Variants in SYT16 observed in about 807,000 individuals in gnomAD.
SYT16 encodes the protein synaptotagmin-16.
SYT16 carries 42 observed loss-of-function variants against 61.4 expected under a neutral mutation model. That is an observed-to-expected ratio of 0.68 (90% CI 0.53 to 0.89). The LOEUF (loss-of-function observed/expected upper bound fraction) is 0.89, where lower values mean the gene tolerates loss of function less well. Ranked by LOEUF, SYT16 falls within the 40% of genes least tolerant of loss-of-function variation. The pLI is 0.00. For missense variants in SYT16, 804 were observed against 807.3 expected (o/e 1.00, Z 0.05); for synonymous variants, 314 against 302.3 (o/e 1.04, Z -0.40).
chr14:62,039,834 TACACAC>T (rs71449576), intron 3 of SYT16, among the ~76,000 whole-genome samples: 10,527 of 124,304 alleles, frequency 0.085, 842 homozygotes, highest in African/African-American at 0.22. Context: ...GGCTTAAGCA[TACACAC>T]ACACACACAC....
intron 1 of SYT16, among the ~76,000 whole-genome samples, chr14:61,956,934 T>G (rs1483037959): frequency 1.3e-5 from 2 of 151,958 alleles, no homozygotes; most frequent in African/African-American, 4.8e-5. Context: ...ATTATTCCAA[T>G]TCATGATCAT....
In SYT16 at chr14:62,108,799, C is replaced by T. The variant is rs2057554741; in HGVS notation, c.*8092C>T. Reference sequence around the variant, plus strand: ...AGAGGTTTCTGTTACAATATTTTCTCTTATAGTGTTGGGATAGGATTTGAC... The same window carrying T: ...AGAGGTTTCTGTTACAATATTTTCTTTTATAGTGTTGGGATAGGATTTGAC... On this transcript the variant is annotated 3_prime_UTR_variant, in exon 8 of 8. Coordinates refer to ENST00000683842, the MANE Select transcript of SYT16 (RefSeq NM_001367656.1). The T allele has an allele frequency of 6.6e-6, 1 of 152,068 alleles. No homozygotes were observed. Among genetic ancestry groups the T allele is most frequent in the Non-Finnish European group, 1.5e-5 (1 of 67,998 alleles). The allele number at this position is 152,068 out of a possible 1,614,324, so 9.4% of individuals were successfully genotyped here. A position where few individuals can be genotyped will look rare whatever the true frequency, so the allele number is the denominator to read the frequency against.
chr14:61,973,295 C>T (rs2051641172), intron 2 of SYT16, among the ~76,000 whole-genome samples: 1 of 152,084 alleles, frequency 6.6e-6, no homozygotes, highest in Non-Finnish European at 1.5e-5. Flanking sequence ...GACAAAGAAA[C>T]TGGAATGGTG....
rs565774054 is a variant in SYT16 at position 61,935,602 on chromosome 14, G to C, written c.-324-34530G>C. Among the ~76,000 whole-genome samples, 35 of 152,250 alleles carry C rather than the reference G, an allele frequency of 2.3e-4. 1 individual carries two copies. The South Asian group carries it at 7.1e-3, about 31-fold the overall frequency. ...GATCTAGTTGTTGGGGTGGTGAAAC[G>C]GACCAAGCACAGAGTCGACACGTGG... is the stretch of plus-strand genomic sequence containing the variant. On this transcript the variant is annotated intron_variant, in intron 1 of 7. Transcript: ENST00000683842.
intron 3 of SYT16, among the ~76,000 whole-genome samples, chr14:61,996,974 A>G (rs1191329572): frequency 6.6e-6 from 1 of 152,108 alleles, no homozygotes; most frequent in Non-Finnish European, 1.5e-5. Context: ...CTCCAAGAAC[A>G]CTTCTCACAG....
chr14:61,883,986 G>A (rs1042786871), intron 1 of SYT16, among the ~76,000 whole-genome samples: 1 of 145,712 alleles, frequency 6.9e-6, no homozygotes, highest in Non-Finnish European at 1.5e-5. Context: ...CCCATGATCC[G>A]ATTACCTCCA....
In SYT16 at chr14:62,100,742, T is replaced by G. The variant is rs781425546; in HGVS notation, c.*35T>G. 1.3e-6 allele frequency: 2 copies of G among 1,587,072 alleles called. No homozygotes were observed. The highest frequency in any genetic ancestry group is 1.7e-6 in the Non-Finnish European group (2 of 1,167,002). On this transcript the variant is annotated 3_prime_UTR_variant, in exon 8 of 8. Coordinates refer to ENST00000683842, the MANE Select transcript of SYT16 (RefSeq NM_001367656.1). Reference sequence around the variant, plus strand: ...CCTGCATTTGTGTGCTGTGTCCACCTTGGTTACCTGTGTTGCTGTCTACTG... The same window carrying G: ...CCTGCATTTGTGTGCTGTGTCCACCGTGGTTACCTGTGTTGCTGTCTACTG...
At chr14:62,080,809 T>G in intron 5 of SYT16, 25 bp from the exon 6 acceptor site, 1 of 1,562,476 alleles carries the variant, frequency 6.4e-7, no homozygotes. Context: ...TTTCCATTTC[T>G]AATTGTTTCC....
At chr14:61,965,581 T>C (rs186001175) in intron 1 of SYT16, among the ~76,000 whole-genome samples, 83 of 152,270 alleles carry the variant, frequency 5.5e-4, no homozygotes, top group African/African-American at 1.9e-3. Context: ...ACTGTTTGTC[T>C]CTGACTCAGA....
At chr14:62,099,717 A>G (rs1441944371) in intron 7 of SYT16, among the ~76,000 whole-genome samples, 1 of 152,172 alleles carries the variant, frequency 6.6e-6, no homozygotes, top group Admixed American at 6.5e-5. Context: ...ATTTCTACAA[A>G]AAGTTAAAAA....
intron 3 of SYT16, among the ~76,000 whole-genome samples, chr14:62,068,050 T>A (rs2056135231): frequency 6.6e-6 from 1 of 152,166 alleles, no homozygotes. Flanking sequence ...TCTGGGTATA[T>A]ACCTAAAGGA....
chr14:61,812,701 C>T (rs925509260), upstream of SYT16: 1 of 147,506 alleles, frequency 6.8e-6, no homozygotes, highest in Non-Finnish European at 1.5e-5. Flanking sequence ...GGCGCGGCCC[C>T]CGAGCGCACC....
At chr14:62,041,999 C>T (rs2054750591) in intron 3 of SYT16, among the ~76,000 whole-genome samples, 1 of 152,076 alleles carries the variant, frequency 6.6e-6, no homozygotes, top group Admixed American at 6.6e-5. Context: ...CATCTCTTTA[C>T]CTATCAGGTT....
chr14:61,872,886 C>T (rs138140699), intron 1 of SYT16, among the ~76,000 whole-genome samples: 130 of 152,288 alleles, frequency 8.5e-4, no homozygotes, highest in African/African-American at 3.1e-3. Flanking sequence ...ATTGTTTACA[C>T]ATTGGTAAAA....
intron 7 of SYT16, among the ~76,000 whole-genome samples, chr14:62,094,193 C>G (rs2057187521): frequency 6.6e-6 from 1 of 152,044 alleles, no homozygotes; most frequent in African/African-American, 2.4e-5. Context: ...GATATTTGAC[C>G]TGAATTAAAT....
At chr14:61,976,983 A>G (rs966205504) in intron 2 of SYT16, among the ~76,000 whole-genome samples, 1 of 152,126 alleles carries the variant, frequency 6.6e-6, no homozygotes, top group Non-Finnish European at 1.5e-5. Context: ...TCAAAGTCCC[A>G]TAGATCTCTA....
chr14:62,084,536 T>A (rs1339417958), intron 7 of SYT16, among the ~76,000 whole-genome samples, 151 bp downstream of exon 7: 1 of 152,222 alleles, frequency 6.6e-6, no homozygotes, highest in African/African-American at 2.4e-5. Context: ...CTGTATTTTT[T>A]AAATGGCTCT....
intron 3 of SYT16, among the ~76,000 whole-genome samples, chr14:62,011,902 CACAT>C (rs1444688244): frequency 5.0e-5 from 6 of 120,412 alleles, no homozygotes; most frequent in Non-Finnish European, 8.0e-5. Flanking sequence ...CACACACACA[CACAT>C]ATATATACAC....
Position 62,075,115 on chromosome 14 carries a change from T to C in SYT16, c.737-20T>C, listed in dbSNP as rs766210308. On this transcript the variant is annotated intron_variant, in intron 4 of 7. Transcript: ENST00000683842. ...GTTAAAAATAATGCATTTGAAATGG[T>C]TTTCTTATTGCAAATTTAGATTTGG... 6 of 1,584,698 alleles carry C rather than the reference T, an allele frequency of 3.8e-6. No homozygotes were observed. Among genetic ancestry groups the C allele is most frequent in the Non-Finnish European group, 5.2e-6 (6 of 1,161,448 alleles).
Sources: gnomAD v4.1 joint callset for allele counts (sites outside exome capture counted in the v4.1 genomes callset) on GRCh38, gnomAD v4.1.1 for gene constraint, MANE v1.5 for transcripts, NCBI Gene and HGNC (gene_info 2026-07-23, HGNC 2026-07-21) for gene names.